The following FOXO1 variants were observed in gnomAD, a reference collection of about 807,000 sequenced individuals.
FOXO1 encodes the protein forkhead box O1.
In FOXO1, 6 loss-of-function variants were observed where a neutral mutation model predicts 44.1. The observed-to-expected ratio is 0.14, with a 90% CI of 0.07 to 0.27. The LOEUF is 0.27. FOXO1 is among the 10% of genes least tolerant of loss of function. The pLI is 1.00. For synonymous variants in FOXO1, 380 were observed against 362.7 expected, an observed-to-expected ratio of 1.05 and a Z score of -0.54; for missense variants, 737 against 888.8, an observed-to-expected ratio of 0.83 and a Z score of 2.17.
chr13:40,632,157 G>C (rs1213958091), intron 1 of FOXO1, among the ~76,000 whole-genome samples: 2 of 152,264 alleles, frequency 1.3e-5, no homozygotes, highest in East Asian at 3.9e-4. Flanking sequence ...TGTAGTCCCA[G>C]CTACTCAGGA....
intron 1 of FOXO1, among the ~76,000 whole-genome samples, chr13:40,617,313 C>T (rs1446926856): frequency 6.6e-6 from 1 of 152,022 alleles, no homozygotes; most frequent in African/African-American, 2.4e-5. Context: ...GACGTGGTGG[C>T]ACATGCCTGT....
At chr13:40,658,632 G>A (rs930210216) in intron 1 of FOXO1, among the ~76,000 whole-genome samples, 4 of 152,174 alleles carry the variant, frequency 2.6e-5, no homozygotes, top group Non-Finnish European at 5.9e-5. Context: ...AAAAATAAGC[G>A]AACCAACTGG....
At chr13:40,663,139 A>C (rs533780215) in intron 1 of FOXO1, among the ~76,000 whole-genome samples, 48 of 152,380 alleles carry the variant, frequency 3.2e-4, no homozygotes, top group African/African-American at 1.1e-3. Flanking sequence ...TTAGGCTCCC[A>C]CTGGGAGCTG....
At position 40,566,437 on chromosome 13, in the gene FOXO1, G is replaced by A. The variant is rs562292078; in HGVS notation, c.631-5577C>T. Among the ~76,000 whole-genome samples, 10 of 151,550 alleles carry A rather than the reference G, an allele frequency of 6.6e-5. 1 individual carries two copies. In the South Asian group the frequency reaches 8.3e-4, roughly 13 times the overall value. Reference sequence around the variant, plus strand: ...TCTGTTGCCCAGGCTGGAGTGCAGTGGCTTGATCTTGGCTCACTGCAACCT... The same window carrying A: ...TCTGTTGCCCAGGCTGGAGTGCAGTAGCTTGATCTTGGCTCACTGCAACCT... On this transcript the variant is annotated intron_variant, in intron 1 of 2. Coordinates refer to ENST00000379561, the MANE Select transcript of FOXO1 (RefSeq NM_002015.4).
At chr13:40,654,523 AAG>A (rs1877795348) in intron 1 of FOXO1, among the ~76,000 whole-genome samples, 1 of 151,222 alleles carries the variant, frequency 6.6e-6, no homozygotes, top group South Asian at 2.1e-4. Flanking sequence ...AAAGAAGAAA[AAG>A]AAAAAGACAA....
chr13:40,598,539 C>A (rs1351903400), intron 1 of FOXO1, among the ~76,000 whole-genome samples: 1 of 152,118 alleles, frequency 6.6e-6, no homozygotes, highest in Non-Finnish European at 1.5e-5. Context: ...CTTTAAAACA[C>A]AAGTTGATAC....
At position 40,665,620 on chromosome 13, in the gene FOXO1, T is replaced by C; in HGVS notation, c.593A>G (p.Lys198Arg). The C allele has an allele frequency of 1.4e-6, 2 of 1,477,898 alleles. No individual in the cohort carries two copies. Among genetic ancestry groups the C allele is most frequent in the Non-Finnish European group, 1.8e-6 (2 of 1,100,812 alleles). 91.5% of individuals were successfully genotyped at this position (1,477,898 alleles called of 1,614,324 possible). A position where few individuals can be genotyped will look rare whatever the true frequency, so the allele number is the denominator to read the frequency against. The change falls in exon 1 of 3, where the codon AAG becomes AGG. Residue 198 changes from lysine (K) to arginine (R), a missense_variant. This residue lies in a region of FOXO1 where 49 missense variants were observed against 50.2 expected (regional missense o/e 0.98). Transcript: ENST00000379561. The stretch of plus-strand genomic sequence containing the variant: ...CGAGCTGTTGCTGTCACCCTTATCC[T>C]TGAAGTAGGGCACGCTCTTGACCAT... Reference protein sequence around the residue: ...EWMVKSVPYFKDKGDSNSSAG... With the variant: ...EWMVKSVPYFRDKGDSNSSAG...
At chr13:40,658,504 C>G (rs958170049) in intron 1 of FOXO1, among the ~76,000 whole-genome samples, 3 of 152,140 alleles carry the variant, frequency 2.0e-5, no homozygotes, top group Non-Finnish European at 4.4e-5. Context: ...GTGGGACCTC[C>G]AGAGCCTTTA....
At chr13:40,662,010 A>G (rs1438821240) in intron 1 of FOXO1, among the ~76,000 whole-genome samples, 1 of 151,780 alleles carries the variant, frequency 6.6e-6, no homozygotes, top group African/African-American at 2.4e-5. Context: ...CTCTCTACTA[A>G]AAATACAAAA....
chr13:40,605,945 G>A (rs896134733), intron 1 of FOXO1, among the ~76,000 whole-genome samples: 1 of 151,746 alleles, frequency 6.6e-6, no homozygotes, highest in South Asian at 2.1e-4. Context: ...AACGTACATC[G>A]ACCAAGTAAT....
chr13:40,625,464 C>T (rs2137907423), intron 1 of FOXO1, among the ~76,000 whole-genome samples: 1 of 152,234 alleles, frequency 6.6e-6, no homozygotes, highest in Non-Finnish European at 1.5e-5. Flanking sequence ...TCCACAATTT[C>T]CCACTGTTAA....
In FOXO1 at chr13:40,665,885, A is replaced by C. The variant is rs1878223669; in HGVS notation, c.328T>G (p.Phe110Val). The change falls in exon 1 of 3, where the codon TTC (phenylalanine) becomes GTC (valine). Residue 110 changes from phenylalanine to valine, a missense_variant. Coordinates refer to ENST00000379561, the MANE Select transcript of FOXO1 (RefSeq NM_002015.4). ...AAATGGLCGDFQGPEAGCLHP... is the reference protein window; with the variant it reads ...AAATGGLCGDVQGPEAGCLHP... Reference sequence around the variant, plus strand: ...AGGCAGCCCGCCTCCGGGCCCTGGAAGTCCCCGCACAGCCCCCCGGTGGCG... The same window carrying C: ...AGGCAGCCCGCCTCCGGGCCCTGGACGTCCCCGCACAGCCCCCCGGTGGCG... 1 of 1,149,082 alleles carries C rather than the reference A, an allele frequency of 8.7e-7. No homozygotes were observed. Among genetic ancestry groups the C allele is most frequent in the South Asian group, 4.2e-5 (1 of 23,702 alleles). The allele number at this position is 1,149,082 out of a possible 1,614,324, so 71.2% of individuals were successfully genotyped here.
chr13:40,649,883 A>G (rs1877622930), intron 1 of FOXO1, among the ~76,000 whole-genome samples: 1 of 152,192 alleles, frequency 6.6e-6, no homozygotes, highest in East Asian at 1.9e-4. Context: ...AAAGAATGCA[A>G]TGGCACAAAC....
intron 1 of FOXO1, among the ~76,000 whole-genome samples, chr13:40,584,372 C>T (rs1369254917): frequency 6.8e-6 from 1 of 146,504 alleles, no homozygotes; most frequent in African/African-American, 2.5e-5. Flanking sequence ...ACCTGTAATC[C>T]TAGCACTTTG....
At chr13:40,656,833 A>ATT (rs758886907) in intron 1 of FOXO1, among the ~76,000 whole-genome samples, 1 of 145,464 alleles carries the variant, frequency 6.9e-6, no homozygotes. Flanking sequence ...ACTCTGAGAA[A>ATT]TTTTTTTTTT....
chr13:40,633,412 T>C (rs1277312775), intron 1 of FOXO1, among the ~76,000 whole-genome samples: 1 of 152,220 alleles, frequency 6.6e-6, no homozygotes, highest in Non-Finnish European at 1.5e-5. Context: ...ATATACTATT[T>C]CCATACAATG....
At chr13:40,600,229 A>AC (rs1875765999) in intron 1 of FOXO1, among the ~76,000 whole-genome samples, 1 of 152,198 alleles carries the variant, frequency 6.6e-6, no homozygotes, top group African/African-American at 2.4e-5. Flanking sequence ...GACAAATTAG[A>AC]CCAAAGCTCA....
intron 1 of FOXO1, among the ~76,000 whole-genome samples, chr13:40,652,693 G>A (rs1490340658): frequency 6.6e-6 from 1 of 152,120 alleles, no homozygotes; most frequent in Non-Finnish European, 1.5e-5. Context: ...TGTCAAAATA[G>A]AACAATAAAA....
chr13:40,631,646 A>G (rs141456643), intron 1 of FOXO1, among the ~76,000 whole-genome samples: 5 of 152,336 alleles, frequency 3.3e-5, no homozygotes, highest in East Asian at 1.9e-4. Context: ...CCTTGAAGAC[A>G]TTGTGCTAAG....
Sources: gnomAD v4.1 joint callset for allele counts (sites outside exome capture counted in the v4.1 genomes callset) on GRCh38, gnomAD v4.1.1 for gene constraint, gnomAD v4.1.1 regional missense constraint, MANE v1.5 for transcripts, NCBI Gene and HGNC (gene_info 2026-07-23, HGNC 2026-07-21) for gene names.